FER: variants seen among roughly 807,000 people sequenced by gnomAD.
The protein encoded by FER is FER tyrosine kinase.
In FER, 63 loss-of-function variants were observed where a neutral mutation model predicts 111.0. The ratio of observed to expected loss-of-function variants is 0.57; its 90% confidence interval spans 0.46 to 0.70. FER has a LOEUF of 0.70. FER is among the 30% of genes least tolerant of loss of function. The pLI is 0.00. For missense variants in FER, 914 were observed against 954.0 expected, an observed-to-expected ratio of 0.96 and a Z score of 0.55; for synonymous variants, 327 against 313.9, an observed-to-expected ratio of 1.04 and a Z score of -0.44.
intron 17 of FER, among the ~76,000 whole-genome samples, chr5:109,178,933 T>G (rs1289086932): frequency 6.6e-6 from 1 of 152,196 alleles, no homozygotes; most frequent in African/African-American, 2.4e-5. Context: ...TTAATTAATA[T>G]TCACATGATT....
At chr5:108,880,797 G>A (rs2150278668) in intron 8 of FER, among the ~76,000 whole-genome samples, 1 of 151,994 alleles carries the variant, frequency 6.6e-6, no homozygotes, top group Middle Eastern at 3.4e-3. Context: ...ATTATTATAA[G>A]TATTATTGCT....
At chr5:108,826,629 T>G (rs917779677) in intron 3 of FER, among the ~76,000 whole-genome samples, 1 of 152,240 alleles carries the variant, frequency 6.6e-6, no homozygotes, top group African/African-American at 2.4e-5. Context: ...AATTTGGAAG[T>G]GTTCCCTCCT....
intron 16 of FER, among the ~76,000 whole-genome samples, chr5:109,071,993 C>T (rs759986386): frequency 2.7e-5 from 4 of 149,438 alleles, no homozygotes; most frequent in African/African-American, 4.9e-5. Context: ...TTTGAGTGTG[C>T]GTTATGTTAC....
intron 17 of FER, among the ~76,000 whole-genome samples, chr5:109,121,020 TAA>T (rs1750897781): frequency 2.0e-5 from 3 of 152,126 alleles, no homozygotes; most frequent in Admixed American, 2.0e-4. Flanking sequence ...TTTTCAAATA[TAA>T]GAGTATATCA....
chr5:108,795,449 C>T (rs1247409565), intron 2 of FER, among the ~76,000 whole-genome samples: 1 of 145,682 alleles, frequency 6.9e-6, no homozygotes, highest in African/African-American at 2.6e-5. Context: ...GTACTCCAAC[C>T]TGGGAGACAG....
chr5:108,856,172 T>G lies in FER; in HGVS notation c.482-11595T>G, dbSNP rs188821483. Among the ~76,000 whole-genome samples the G allele has an allele frequency of 3.0e-3, 452 of 152,138 alleles. 2 individuals are homozygous for G. Among genetic ancestry groups the G allele is most frequent in the African/African-American group, 0.01 (428 of 41,516 alleles). ...TAATAGCTTAGGAGAGATGGAGAGA[T>G]ATAAATTCAGATAAAAAGGTTAGAT... On this transcript the variant is annotated intron_variant, in intron 5 of 19. Coordinates refer to ENST00000281092, the MANE Select transcript of FER (RefSeq NM_005246.4).
intron 13 of FER, among the ~76,000 whole-genome samples, chr5:109,015,810 A>G (rs2149815398): frequency 6.6e-6 from 1 of 152,158 alleles, no homozygotes; most frequent in Non-Finnish European, 1.5e-5. Flanking sequence ...AGTTGCTGTC[A>G]TTCAGAAATT....
intron 5 of FER, among the ~76,000 whole-genome samples, chr5:108,844,025 T>C (rs770299221): frequency 9.6e-6 from 1 of 104,448 alleles, no homozygotes; most frequent in Non-Finnish European, 2.1e-5. Context: ...TGTGTGAACA[T>C]ATATATGTGT....
intron 17 of FER, among the ~76,000 whole-genome samples, chr5:109,145,892 A>G (rs1285661558): frequency 6.6e-6 from 1 of 151,650 alleles, no homozygotes; most frequent in Non-Finnish European, 1.5e-5. Flanking sequence ...CCTAGAAAAT[A>G]TATCTTACAA....
At chr5:109,013,112 G>A (rs1016779984) in intron 13 of FER, among the ~76,000 whole-genome samples, 2 of 149,606 alleles carry the variant, frequency 1.3e-5, no homozygotes, top group Admixed American at 6.7e-5. Context: ...AAGTTTTAGG[G>A]TACATGTGCA....
intron 13 of FER, among the ~76,000 whole-genome samples, chr5:109,016,627 C>A (rs193177616): frequency 6.6e-6 from 1 of 151,894 alleles, no homozygotes; most frequent in Non-Finnish European, 1.5e-5. Flanking sequence ...AATTGTAGGT[C>A]GCTTGTCAAA....
chr5:109,102,982 A>G (rs1416629740), intron 17 of FER, among the ~76,000 whole-genome samples: 3 of 152,086 alleles, frequency 2.0e-5, no homozygotes, highest in Non-Finnish European at 4.4e-5. Flanking sequence ...GACATAGATT[A>G]TGTGTTTTTG....
chr5:108,767,928 A>G (rs1300563106), intron 1 of FER, among the ~76,000 whole-genome samples, 165 bp from the exon 2 acceptor site: 1 of 152,242 alleles, frequency 6.6e-6, no homozygotes, highest in Non-Finnish European at 1.5e-5. Flanking sequence ...GGGAGTAAGC[A>G]ATGGATAGAT....
chr5:109,135,327 A>G (rs1752774480), intron 17 of FER, among the ~76,000 whole-genome samples: 1 of 152,240 alleles, frequency 6.6e-6, no homozygotes, highest in Non-Finnish European at 1.5e-5. Flanking sequence ...ACAGATGAGG[A>G]AACTGAAGTA....
intron 16 of FER, among the ~76,000 whole-genome samples, chr5:109,075,868 C>A (rs114450436): frequency 0.015 from 2,217 of 152,102 alleles, 42 homozygotes; most frequent in African/African-American, 0.05. Flanking sequence ...AATGTTTCTT[C>A]CCTTCTAAAA....
intron 13 of FER, among the ~76,000 whole-genome samples, chr5:108,983,167 G>A (rs1436849282): frequency 5.3e-5 from 8 of 151,866 alleles, no homozygotes; most frequent in Admixed American, 2.0e-4. Flanking sequence ...AAATATGTAC[G>A]GGGTCAGGAA....
At chr5:108,994,946 T>C (rs763905762) in intron 13 of FER, among the ~76,000 whole-genome samples, 8 of 152,194 alleles carry the variant, frequency 5.3e-5, no homozygotes, top group Non-Finnish European at 1.2e-4. Flanking sequence ...CTTGTGATTT[T>C]TGCACATTGA....
intron 10 of FER, among the ~76,000 whole-genome samples, chr5:108,937,038 T>C (rs905604133): frequency 6.6e-6 from 1 of 152,022 alleles, no homozygotes; most frequent in Non-Finnish European, 1.5e-5. Flanking sequence ...TTTTCTTATG[T>C]GTCATTTGAG....
At chr5:108,752,892 C>G (rs903445859) in intron 1 of FER, among the ~76,000 whole-genome samples, 1 of 151,990 alleles carries the variant, frequency 6.6e-6, no homozygotes, top group Non-Finnish European at 1.5e-5. Flanking sequence ...TATTAAAAGA[C>G]TGGACATTTT....
Sources: allele counts gnomAD v4.1 joint callset (sites outside exome capture counted in the v4.1 genomes callset), GRCh38; gene constraint gnomAD v4.1.1; transcripts MANE v1.5; gene names NCBI Gene and HGNC (gene_info 2026-07-23, HGNC 2026-07-21).